The following DNM3 variants were observed in gnomAD, a reference collection of about 807,000 sequenced individuals.
DNM3 encodes dynamin 3, also known as dynamin-3.
A neutral mutation model predicts 101.6 loss-of-function variants in DNM3; 47 were observed. That is an observed-to-expected ratio of 0.46 (90% CI 0.37 to 0.59). DNM3 has a LOEUF of 0.59. DNM3 is among the 20% of genes least tolerant of loss of function. The pLI, the probability that DNM3 is intolerant of heterozygous loss-of-function variation, is 0.00. For synonymous variants in DNM3, 385 were observed against 387.9 expected, an observed-to-expected ratio of 0.99 and a Z score of 0.09; for missense variants, 849 against 1,085.7, an observed-to-expected ratio of 0.78 and a Z score of 3.06.
At position 171,930,455 on chromosome 1, in the gene DNM3, G is replaced by A. The variant is rs148363539; in HGVS notation, c.235+8634G>A. ...CAGCTGCTTTTGTTGGAAAGCCTGGGTATCTAAGGCTCCTGGTCTCTGCAT... is the reference window on the plus strand; with the variant it reads ...CAGCTGCTTTTGTTGGAAAGCCTGGATATCTAAGGCTCCTGGTCTCTGCAT... On this transcript the variant is annotated intron_variant, in intron 2 of 20. Coordinates refer to ENST00000627582, the MANE Select transcript of DNM3 (RefSeq NM_015569.5). Among the ~76,000 whole-genome samples the A allele has an allele frequency of 4.6e-3, 693 of 152,278 alleles. 6 individuals carry two copies. The highest frequency in any genetic ancestry group is 0.016 in the African/African-American group (644 of 41,548).
intron 10 of DNM3, among the ~76,000 whole-genome samples, chr1:172,057,830 A>T (rs577419379): frequency 5.2e-4 from 78 of 149,774 alleles, no homozygotes; most frequent in African/African-American, 1.9e-3. Context: ...ACAGGATCAA[A>T]TTCACACATA....
chr1:172,412,005 A>ATAT lies in DNM3; in HGVS notation c.*4166_*4168dup. The ATAT allele has an allele frequency of 1.0e-6, 1 of 985,676 alleles. No homozygotes were observed. Among genetic ancestry groups the ATAT allele is most frequent in the Non-Finnish European group, 1.2e-6 (1 of 829,828 alleles). The allele number at this position is 985,676 out of a possible 1,614,324, so 61.1% of individuals were successfully genotyped here. A position where few individuals can be genotyped will look rare whatever the true frequency, so the allele number is the denominator to read the frequency against. On this transcript the variant is annotated 3_prime_UTR_variant, in exon 21 of 21. Coordinates refer to ENST00000627582, the MANE Select transcript of DNM3 (RefSeq NM_015569.5). ...GTGCTGTGTAGGTGAAACTTTAAGA[A>ATAT]TATTTTTGAAGCATATGTAATATAT...
At chr1:172,080,011 G>A (rs1215387051) in intron 11 of DNM3, among the ~76,000 whole-genome samples, 1 of 152,296 alleles carries the variant, frequency 6.6e-6, no homozygotes, top group South Asian at 2.1e-4. Context: ...TCCCAGAGGG[G>A]CACCCACCAG....
intron 2 of DNM3, among the ~76,000 whole-genome samples, chr1:171,942,303 G>A (rs546166728): frequency 6.8e-6 from 1 of 147,624 alleles, no homozygotes; most frequent in African/African-American, 2.5e-5. Flanking sequence ...CTGGCACAGA[G>A]TTAAGCCTAT....
chr1:171,964,288 T>C (rs1395071027), intron 2 of DNM3, among the ~76,000 whole-genome samples: 3 of 152,294 alleles, frequency 2.0e-5, no homozygotes, highest in East Asian at 1.9e-4. Flanking sequence ...CTATTCTCTC[T>C]GAAGCCTGCT....
intron 17 of DNM3, among the ~76,000 whole-genome samples, chr1:172,323,581 A>G (rs1342849249): frequency 6.6e-6 from 1 of 152,168 alleles, no homozygotes; most frequent in Non-Finnish European, 1.5e-5. Context: ...TAGTTCAGAG[A>G]GGTTGACATT....
chr1:172,234,854 A>G (rs1339346694), intron 14 of DNM3, among the ~76,000 whole-genome samples: 1 of 152,204 alleles, frequency 6.6e-6, no homozygotes, highest in African/African-American at 2.4e-5. Flanking sequence ...TTAATTCAAG[A>G]TGGATTAAAG....
At chr1:172,008,493 G>A (rs894202782) in intron 4 of DNM3, among the ~76,000 whole-genome samples, 3 of 151,188 alleles carry the variant, frequency 2.0e-5, no homozygotes, top group Non-Finnish European at 2.9e-5. Flanking sequence ...TTGTGCCTTC[G>A]TCAAAAATCA....
intron 1 of DNM3, among the ~76,000 whole-genome samples, chr1:171,896,414 G>A (rs1558229387): frequency 6.6e-6 from 1 of 152,190 alleles, no homozygotes; most frequent in Non-Finnish European, 1.5e-5. Context: ...GTGAATGGGA[G>A]TTCACTCATG....
At chr1:172,354,104 T>TGAGAGAGA (rs1558034679) in intron 17 of DNM3, among the ~76,000 whole-genome samples, 1 of 33,248 alleles carries the variant, frequency 3.0e-5, no homozygotes, top group Non-Finnish European at 6.9e-5. Context: ...TGTGTGTGTG[T>TGAGAGAGA]GTGTGTGTGA....
intron 14 of DNM3, among the ~76,000 whole-genome samples, chr1:172,225,159 T>TTTTA: frequency 6.9e-6 from 1 of 144,490 alleles, no homozygotes; most frequent in Admixed American, 6.9e-5. Flanking sequence ...TTTTTTTTTT[T>TTTTA]GAGATAGTCT....
At chr1:171,947,001 G>A (rs968426607) in intron 2 of DNM3, among the ~76,000 whole-genome samples, 6 of 152,160 alleles carry the variant, frequency 3.9e-5, no homozygotes, top group Non-Finnish European at 8.8e-5. Context: ...CAACACTGGG[G>A]ATCAGATTTT....
chr1:172,413,925 CTGTT>C (rs567133767), downstream of DNM3, among the ~76,000 whole-genome samples: 108 of 152,242 alleles, frequency 7.1e-4, no homozygotes, highest in African/African-American at 2.2e-3. Context: ...TACCTGTGTT[CTGTT>C]TGTTTGTTTT....
Position 172,379,048 on chromosome 1 carries a change from A to G in DNM3, c.1924A>G (p.Asn642Asp), listed in dbSNP as rs1458282252. 1.2e-6 allele frequency: 2 copies of G among 1,612,152 alleles called. No homozygotes were observed. Among genetic ancestry groups the G allele is most frequent in the East Asian group, 2.2e-5 (1 of 44,834 alleles). ...AENDENGQAE[N>D]FSMDPQLERQ... ...AAATGATGAGAATGGACAAGCAGAAAACTTTTCCATGGACCCACAATTGGA... is the reference window on the plus strand; with the variant it reads ...AAATGATGAGAATGGACAAGCAGAAGACTTTTCCATGGACCCACAATTGGA... The change falls in exon 18 of 21, where the codon AAC becomes GAC. Residue 642 changes from asparagine (N) to aspartate (D), a missense_variant. By Grantham distance (23) the Asn-to-Asp change is conservative. Around this residue, in one of 5 missense-constraint regions of DNM3, gnomAD observed 256 missense variants for 311.7 expected, o/e 0.82. Coordinates refer to ENST00000627582, the MANE Select transcript of DNM3 (RefSeq NM_015569.5).
At chr1:172,205,288 C>G (rs2060285404) in intron 14 of DNM3, among the ~76,000 whole-genome samples, 1 of 152,082 alleles carries the variant, frequency 6.6e-6, no homozygotes, top group East Asian at 1.9e-4. Flanking sequence ...ATTTCAAGAA[C>G]ACACTATATT....
chr1:172,004,370 A>C (rs990450402), intron 4 of DNM3, among the ~76,000 whole-genome samples: 1 of 152,060 alleles, frequency 6.6e-6, no homozygotes, highest in African/African-American at 2.4e-5. Context: ...AATGGCCTGC[A>C]GTTGAAAAAT....
intron 13 of DNM3, chr1:172,093,554 T>G: frequency 1.6e-6 from 1 of 621,358 alleles, no homozygotes; most frequent in Admixed American, 3.6e-5. Context: ...TTAAAAAACT[T>G]TCAGAGGTAC....
At chr1:172,189,557 A>C (rs187331199) in intron 14 of DNM3, among the ~76,000 whole-genome samples, 183 of 152,108 alleles carry the variant, frequency 1.2e-3, no homozygotes, top group African/African-American at 4.3e-3. Context: ...CCTCATATAG[A>C]TCTTTTTCAT....
At chr1:172,387,551 C>G (rs563342812) in intron 19 of DNM3, among the ~76,000 whole-genome samples, 192 bp downstream of exon 19, 5 of 151,520 alleles carry the variant, frequency 3.3e-5, no homozygotes, top group African/African-American at 7.3e-5. Context: ...CCCAGCTACT[C>G]GGGAGGCTGA....
Sources: allele counts gnomAD v4.1 joint callset (sites outside exome capture counted in the v4.1 genomes callset), GRCh38; gene constraint gnomAD v4.1.1; regional missense constraint gnomAD v4.1.1; transcripts MANE v1.5; gene names NCBI Gene and HGNC (gene_info 2026-07-23, HGNC 2026-07-21).